The following LNPEP variants were observed in gnomAD, a reference collection of about 807,000 sequenced individuals.
LNPEP encodes the protein leucyl-cystinyl aminopeptidase.
A neutral mutation model predicts 120.6 loss-of-function variants in LNPEP; 64 were observed. The observed-to-expected ratio is 0.53, with a 90% CI of 0.43 to 0.65. The LOEUF (loss-of-function observed/expected upper bound fraction) is 0.65. LNPEP is among the 30% of genes least tolerant of loss of function. LNPEP has a pLI of 0.00. For synonymous variants in LNPEP, 435 were observed against 425.4 expected, an observed-to-expected ratio of 1.02 and a Z score of -0.28; for missense variants, 1,057 against 1,200.0, an observed-to-expected ratio of 0.88 and a Z score of 1.76.
At chr5:96,966,853 A>G (rs1425802229) in intron 1 of LNPEP, among the ~76,000 whole-genome samples, 1 of 152,128 alleles carries the variant, frequency 6.6e-6, no homozygotes, top group Non-Finnish European at 1.5e-5. Flanking sequence ...TTTAAGATTC[A>G]TTAGCATAAT....
chr5:96,989,011 G>A (rs1790309199), intron 4 of LNPEP, among the ~76,000 whole-genome samples: 1 of 151,926 alleles, frequency 6.6e-6, no homozygotes, highest in Admixed American at 6.6e-5. Context: ...ATATATGTGT[G>A]TGCATGTGCA....
chr5:96,937,977 AT>A (rs1037270746), intron 1 of LNPEP, among the ~76,000 whole-genome samples: 3 of 151,268 alleles, frequency 2.0e-5, no homozygotes, highest in African/African-American at 7.3e-5. Flanking sequence ...GCAGTGCATA[AT>A]TTTGGTTAAT....
intron 11 of LNPEP, among the ~76,000 whole-genome samples, chr5:97,013,146 G>T (rs1021742137): frequency 1.3e-5 from 2 of 152,004 alleles, no homozygotes; most frequent in African/African-American, 4.8e-5. Flanking sequence ...TTCTCTCTGG[G>T]CCTTGAGCAC....
rs1478210838 is a variant in LNPEP at position 97,030,769 on chromosome 5, C to T, written c.*2236C>T. 2 of 151,760 alleles carry T rather than the reference C, an allele frequency of 1.3e-5. No individual in the cohort carries two copies. Among genetic ancestry groups the T allele is most frequent in the African/African-American group, 4.8e-5 (2 of 41,274 alleles). The allele number at this position is 151,760 out of a possible 1,614,324, so 9.4% of individuals were successfully genotyped here. On this transcript the variant is annotated 3_prime_UTR_variant, in exon 18 of 18. Transcript: ENST00000231368. ...CTATCTTTATTACTCAAAGGCTGTT[C>T]ATTCCCATAATACCAGATCCATAAT...
chr5:96,949,265 C>T lies in LNPEP; in HGVS notation c.19+13091C>T, dbSNP rs554479652. Reference sequence around the variant, plus strand: ...AAGGACCATGCTAGGAACTGGGCTTCACAGCAGGAGGTGAGCAGTGGGCAA... The same window carrying T: ...AAGGACCATGCTAGGAACTGGGCTTTACAGCAGGAGGTGAGCAGTGGGCAA... On this transcript the variant is annotated intron_variant, in intron 1 of 17. Coordinates refer to ENST00000231368, the MANE Select transcript of LNPEP (RefSeq NM_005575.3). Among the ~76,000 whole-genome samples, 29 of 152,352 alleles carry T rather than the reference C, an allele frequency of 1.9e-4. No homozygotes were observed. The South Asian group carries it at 6.0e-3, about 32-fold the overall frequency.
chr5:97,028,461 G>A lies in LNPEP; in HGVS notation c.3006G>A (p.Glu1002=), dbSNP rs550743867. The stretch of plus-strand genomic sequence containing the variant: ...CCTTCCGGCTTCGTTGTGTCCAGGA[G>A]GCTTTGGAAGTCATTCAGTTGAATA... ...EATFRLRCVQ[E]ALEVIQLNIQ... is the part of the protein sequence containing the mutation. The change falls in exon 18 of 18, where the codon GAG becomes GAA. Residue 1002 remains glutamate (E), a synonymous_variant. Transcript: ENST00000231368. The A allele has an allele frequency of 4.8e-5, 77 of 1,613,976 alleles. 2 individuals are homozygous for A. The South Asian group carries it at 7.5e-4, about 16-fold the overall frequency.
At chr5:97,009,492 A>G (rs551913306) in intron 11 of LNPEP, among the ~76,000 whole-genome samples, 5 of 152,250 alleles carry the variant, frequency 3.3e-5, no homozygotes, top group Non-Finnish European at 7.3e-5. Context: ...CAGTCTCACT[A>G]TAAAAATTTC....
In LNPEP at chr5:97,013,723, A is replaced by G. The variant is rs1476014023; in HGVS notation, c.2111A>G (p.Tyr704Cys). 1 of 1,609,386 alleles carries G rather than the reference A, an allele frequency of 6.2e-7. No individual in the cohort carries two copies. The highest frequency in any genetic ancestry group is 8.5e-7 in the Non-Finnish European group (1 of 1,176,228). Residue 704 changes from tyrosine to cysteine, a missense_variant, in exon 12 of 18, where the codon TAT (tyrosine) becomes TGT (cysteine). Tyr to Cys is a radical substitution (Grantham distance 194). Coordinates refer to ENST00000231368, the MANE Select transcript of LNPEP (RefSeq NM_005575.3). ...ATGAATGGTTATTATATTGTACACT[A>G]TGCAGATGATGATTGGGAAGCACTA... ...INMNGYYIVH[Y>C]ADDDWEALIH...
chr5:96,996,285 A>G (rs1790513548), intron 6 of LNPEP, 105 bp from the exon 7 acceptor site: 1 of 675,052 alleles, frequency 1.5e-6, no homozygotes. Context: ...TCTTTAAGAT[A>G]TTGTAATCAG....
intron 4 of LNPEP, among the ~76,000 whole-genome samples, chr5:96,990,242 A>G (rs1392272164): frequency 6.6e-6 from 1 of 152,128 alleles, no homozygotes; most frequent in Non-Finnish European, 1.5e-5. Context: ...TGACTTCTGT[A>G]GGGGAAAGAT....
intron 9 of LNPEP, among the ~76,000 whole-genome samples, chr5:97,005,332 G>A (rs576241018): frequency 2.6e-5 from 4 of 152,068 alleles, no homozygotes; most frequent in Non-Finnish European, 4.4e-5. Flanking sequence ...TAAAGAGACT[G>A]TTGTTCAAAA....
chr5:96,990,349 G>C lies in LNPEP; in HGVS notation c.1132-2666G>C, dbSNP rs77062357. ...TATCAAGGGCTTCAGGTGTTAGAAG[G>C]CTGGGCTAATGAAGTACGGTTGGCT... On this transcript the variant is annotated intron_variant, in intron 4 of 17. Transcript: ENST00000231368. Among the ~76,000 whole-genome samples, 1,388 of 152,210 alleles carry C rather than the reference G, an allele frequency of 9.1e-3. 29 individuals are homozygous for C. Among genetic ancestry groups the C allele is most frequent in the East Asian group, 0.066 (341 of 5,164 alleles).
intron 2 of LNPEP, among the ~76,000 whole-genome samples, chr5:96,981,385 C>T (rs1790120773): frequency 6.6e-6 from 1 of 152,144 alleles, no homozygotes; most frequent in Non-Finnish European, 1.5e-5. Context: ...GTTTCACGTA[C>T]TAATTTATTT....
chr5:96,943,591 AGCC>A (rs1450162071), intron 1 of LNPEP, among the ~76,000 whole-genome samples: 4 of 152,328 alleles, frequency 2.6e-5, no homozygotes, highest in African/African-American at 9.6e-5. Context: ...CCCTGTGGCC[AGCC>A]TACTATTCTT....
chr5:97,014,310 T>G (rs1791010358), intron 12 of LNPEP, among the ~76,000 whole-genome samples: 1 of 152,146 alleles, frequency 6.6e-6, no homozygotes, highest in African/African-American at 2.4e-5. Context: ...AAACATATTC[T>G]CTGAATAGAA....
chr5:97,027,542 TC>T (rs1791374123), intron 16 of LNPEP, among the ~76,000 whole-genome samples, 190 bp from the exon 17 acceptor site: 2 of 152,156 alleles, frequency 1.3e-5, no homozygotes, highest in Admixed American at 6.6e-5. Context: ...TCTGAACTCT[TC>T]CCTTTTTCTG....
intron 4 of LNPEP, among the ~76,000 whole-genome samples, chr5:96,987,061 A>G (rs1226521400): frequency 6.6e-6 from 1 of 152,210 alleles, no homozygotes; most frequent in African/African-American, 2.4e-5. Flanking sequence ...AGCAGTGTTC[A>G]TGTGACTAGT....
At chr5:96,941,173 C>T (rs2910687) in intron 1 of LNPEP, among the ~76,000 whole-genome samples, 56,489 of 151,924 alleles carry the variant, frequency 0.37, 10,672 homozygotes, top group Non-Finnish European at 0.42. Context: ...CCCTCACATG[C>T]GCAGTTCACA....
chr5:97,005,681 G>A (rs1400105987), intron 9 of LNPEP, among the ~76,000 whole-genome samples: 60 of 152,118 alleles, frequency 3.9e-4, no homozygotes, highest in Admixed American at 3.9e-3. Context: ...ATTCTAGACT[G>A]TATATCATTA....
Sources: allele counts gnomAD v4.1 joint callset (sites outside exome capture counted in the v4.1 genomes callset), GRCh38; gene constraint gnomAD v4.1.1; transcripts MANE v1.5; gene names NCBI Gene and HGNC (gene_info 2026-07-23, HGNC 2026-07-21).